The following ATP6V1E1 variants were observed in gnomAD, a reference collection of about 807,000 sequenced individuals.
ATP6V1E1 encodes V-type proton ATPase subunit E 1.
ATP6V1E1 carries 21 observed loss-of-function variants against 35.2 expected under a neutral mutation model. That is an observed-to-expected ratio of 0.60 (90% CI 0.42 to 0.86). The LOEUF (loss-of-function observed/expected upper bound fraction) is 0.86, where lower values mean the gene tolerates loss of function less well. ATP6V1E1 is among the 40% of genes least tolerant of loss of function. The pLI is 0.00. For synonymous variants in ATP6V1E1, 83 were observed against 87.8 expected (o/e 0.95, Z 0.30); for missense variants, 183 against 272.6 (o/e 0.67, Z 2.32).
intron 4 of ATP6V1E1, among the ~76,000 whole-genome samples, chr22:17,611,940 C>A (rs1000000943): frequency 3.3e-5 from 5 of 152,164 alleles, no homozygotes; most frequent in African/African-American, 1.2e-4. Flanking sequence ...ATAGGACTTA[C>A]TCCTAGTAAT....
chr22:17,609,092 C>CA (rs1042261410), intron 4 of ATP6V1E1, among the ~76,000 whole-genome samples: 6 of 118,536 alleles, frequency 5.1e-5, no homozygotes, highest in South Asian at 2.4e-4. Flanking sequence ...GACTCCGTCT[C>CA]AAAAAACAAA....
In ATP6V1E1 at chr22:17,598,582, AT is replaced by A. The variant is rs199943322; in HGVS notation, c.436-295del. On this transcript the variant is annotated intron_variant, in intron 6 of 8. Coordinates refer to ENST00000253413, the MANE Select transcript of ATP6V1E1 (RefSeq NM_001696.4). ...TGGATCAGCAGGAGGAAGATACATT[AT>A]TCCCCCAGCTGAGAGTGTTAGAAGC... Among the ~76,000 whole-genome samples, 389 of 151,970 alleles carry A rather than the reference AT, an allele frequency of 2.6e-3. 10 individuals are homozygous for A. In the South Asian group the frequency reaches 0.044, roughly 17 times the overall value.
At chr22:17,602,410 T>C (rs2057766309) in intron 4 of ATP6V1E1, among the ~76,000 whole-genome samples, 1 of 152,014 alleles carries the variant, frequency 6.6e-6, no homozygotes, top group East Asian at 1.9e-4. Context: ...AGTCTCGCTC[T>C]GTTGCCCAGG....
chr22:17,625,489 T>C (rs898494874), intron 1 of ATP6V1E1, among the ~76,000 whole-genome samples: 4 of 151,924 alleles, frequency 2.6e-5, no homozygotes, highest in Non-Finnish European at 5.9e-5. Context: ...ACTCCCAACC[T>C]CAGGTGATCT....
At chr22:17,616,062 C>A (rs9618066) in intron 2 of ATP6V1E1, among the ~76,000 whole-genome samples, 11 of 133,946 alleles carry the variant, frequency 8.2e-5, no homozygotes, top group African/African-American at 3.1e-4. Flanking sequence ...AACAAACAAA[C>A]AAAAGCCGGG....
chr22:17,604,677 G>A (rs1282298209), intron 4 of ATP6V1E1, among the ~76,000 whole-genome samples: 1 of 151,858 alleles, frequency 6.6e-6, no homozygotes, highest in Non-Finnish European at 1.5e-5. Context: ...ACACCACCAT[G>A]CCTGCTAATT....
At chr22:17,626,957 T>C (rs2057910062) in intron 1 of ATP6V1E1, among the ~76,000 whole-genome samples, 1 of 151,056 alleles carries the variant, frequency 6.6e-6, no homozygotes, top group African/African-American at 2.4e-5. Context: ...GCTACAGGTG[T>C]GAGCCACCAC....
At chr22:17,609,014 G>A (rs950458128) in intron 4 of ATP6V1E1, among the ~76,000 whole-genome samples, 2 of 152,004 alleles carry the variant, frequency 1.3e-5, no homozygotes, top group African/African-American at 4.8e-5. Context: ...GTGAACCCGG[G>A]AGGCAGAGTC....
At chr22:17,609,464 C>CTTTTT (rs61116267) in intron 4 of ATP6V1E1, among the ~76,000 whole-genome samples, 2 of 90,710 alleles carry the variant, frequency 2.2e-5, no homozygotes, top group Non-Finnish European at 4.2e-5. Flanking sequence ...CCATCCTGCT[C>CTTTTT]TTTTTTTTTT....
intron 1 of ATP6V1E1, among the ~76,000 whole-genome samples, chr22:17,622,209 A>G (rs1366499595): frequency 6.6e-6 from 1 of 152,190 alleles, no homozygotes; most frequent in Non-Finnish European, 1.5e-5. Flanking sequence ...TTGTTTATTA[A>G]TTATCCCACT....
intron 4 of ATP6V1E1, among the ~76,000 whole-genome samples, chr22:17,605,086 T>TCCCA (rs778472532): frequency 4.7e-5 from 7 of 147,540 alleles, no homozygotes; most frequent in African/African-American, 1.8e-4. Flanking sequence ...GCATGGTGAA[T>TCCCA]CCCAGCTACT....
chr22:17,613,486 T>C (rs891829942), intron 2 of ATP6V1E1, among the ~76,000 whole-genome samples, 166 bp from the exon 3 acceptor site: 5 of 152,202 alleles, frequency 3.3e-5, no homozygotes, highest in Non-Finnish European at 5.9e-5. Context: ...AAAGGAAAGA[T>C]CAGCAATTTT....
intron 2 of ATP6V1E1, among the ~76,000 whole-genome samples, chr22:17,618,125 TG>T (rs1303833368): frequency 6.6e-6 from 1 of 152,152 alleles, no homozygotes; most frequent in African/African-American, 2.4e-5. Context: ...TTTACTTTTT[TG>T]CAATGAGCAC....
chr22:17,628,714 GA>G lies in ATP6V1E1; in HGVS notation c.-80del. On this transcript the variant is annotated 5_prime_UTR_variant, in exon 1 of 9. Transcript: ENST00000253413. ...GTGAGGTGAGAGAAATCGGCAAAGG[GA>G]ACCCCTGCGCAGATCTCGGGTTCCT... 1 of 1,585,784 alleles carries G rather than the reference GA, an allele frequency of 6.3e-7. No individual in the cohort carries two copies. The highest frequency in any genetic ancestry group is 8.7e-7 in the Non-Finnish European group (1 of 1,154,876).
chr22:17,610,396 A>G (rs1265575977), intron 4 of ATP6V1E1, among the ~76,000 whole-genome samples: 4 of 152,206 alleles, frequency 2.6e-5, no homozygotes, highest in South Asian at 2.1e-4. Context: ...TCGGTATACC[A>G]TCTAAGGCAG....
At chr22:17,608,265 G>A (rs750844650) in intron 4 of ATP6V1E1, among the ~76,000 whole-genome samples, 12 of 152,176 alleles carry the variant, frequency 7.9e-5, no homozygotes, top group Non-Finnish European at 1.3e-4. Context: ...GGGATAACAT[G>A]AGTACCAAAA....
rs778206767 is a variant in ATP6V1E1 at position 17,598,306 on chromosome 22, A to G, written c.436-18T>C. 6.3e-7 allele frequency: 1 copy of G among 1,580,648 alleles called. No individual in the cohort carries two copies. The highest frequency in any genetic ancestry group is 1.7e-5 in the Admixed American group (1 of 59,680). On this transcript the variant is annotated intron_variant, in intron 6 of 8. Transcript: ENST00000253413. ...ACTGCAGCCTGGAAGTATAGAACAC[A>G]ATGAGAGGTGTCACTAGGAACTATG...
chr22:17,618,509 T>C (rs1000500950), intron 2 of ATP6V1E1, among the ~76,000 whole-genome samples: 4 of 150,728 alleles, frequency 2.7e-5, no homozygotes, highest in African/African-American at 9.8e-5. Flanking sequence ...GGTGAAACCT[T>C]GTCTCTACTA....
At chr22:17,596,959 G>A (rs1168056028) in intron 7 of ATP6V1E1, among the ~76,000 whole-genome samples, 2 of 151,948 alleles carry the variant, frequency 1.3e-5, no homozygotes, top group Non-Finnish European at 2.9e-5. Context: ...ATGTGTCCAA[G>A]GCACCAGGCA....
Sources: allele counts gnomAD v4.1 joint callset (sites outside exome capture counted in the v4.1 genomes callset), GRCh38; gene constraint gnomAD v4.1.1; transcripts MANE v1.5; gene names NCBI Gene and HGNC (gene_info 2026-07-23, HGNC 2026-07-21).